Variants in ATAD2B observed in about 807,000 individuals in gnomAD.
The protein encoded by ATAD2B is ATPase family AAA domain containing 2B, also known as ATPase family AAA domain-containing protein 2B.
In ATAD2B, 40 loss-of-function variants were observed where a neutral mutation model predicts 167.6. The observed-to-expected ratio is 0.24, with a 90% CI of 0.19 to 0.31. The LOEUF is 0.31. Among genes scored for constraint, ATAD2B ranks in the 10% least tolerant of loss-of-function variants. The pLI is 1.00. For synonymous variants in ATAD2B, 579 were observed against 596.5 expected, an observed-to-expected ratio of 0.97 and a Z score of 0.43; for missense variants, 1,242 against 1,757.2, an observed-to-expected ratio of 0.71 and a Z score of 5.24.
chr2:23,760,699 TAC>T (rs1238984150), intron 24 of ATAD2B, among the ~76,000 whole-genome samples: 1,992 of 123,608 alleles, frequency 0.016, 26 homozygotes, highest in South Asian at 0.02. Context: ...TTTATATATA[TAC>T]ACACACACAC....
At chr2:23,836,776 G>C (rs1329541499) in intron 13 of ATAD2B, among the ~76,000 whole-genome samples, 4 of 152,030 alleles carry the variant, frequency 2.6e-5, no homozygotes, top group African/African-American at 7.2e-5. Flanking sequence ...GGCCCTGGAG[G>C]GGGTAGCTCC....
At chr2:23,784,410 A>G (rs1433656595) in intron 21 of ATAD2B, among the ~76,000 whole-genome samples, 1 of 152,096 alleles carries the variant, frequency 6.6e-6, no homozygotes, top group Non-Finnish European at 1.5e-5. Context: ...TCAGCTTAAG[A>G]GCAGAACGAA....
the ATAD2B span, among the ~76,000 whole-genome samples, chr2:23,694,658 C>T: frequency 6.6e-6 from 1 of 152,354 alleles, no homozygotes; most frequent in East Asian, 1.9e-4. Flanking sequence ...TGTTACATCT[C>T]GTAAGAATAA....
chr2:23,863,325 A>G (rs557278152), intron 12 of ATAD2B, 56 bp downstream of exon 12: 3 of 1,497,870 alleles, frequency 2.0e-6, no homozygotes, highest in African/African-American at 2.8e-5. Flanking sequence ...AAAAACAAAG[A>G]AAGAAAAGAA....
At chr2:23,774,048 A>T (rs1198621842) in intron 22 of ATAD2B, among the ~76,000 whole-genome samples, 1 of 152,196 alleles carries the variant, frequency 6.6e-6, no homozygotes, top group Non-Finnish European at 1.5e-5. Context: ...AAGAAAAAAA[A>T]ATCCCAGAAG....
At chr2:23,684,302 T>C in the ATAD2B span, 1 of 913,892 alleles carries the variant, frequency 1.1e-6, no homozygotes, top group Non-Finnish European at 1.5e-6. This position sits in a 1 kb window ranked among gnomAD's most constrained non-coding sequence, Gnocchi z 4.4. Context: ...ATTTCCTATT[T>C]CTCTACTTCT....
At chr2:23,778,002 C>T (rs558351175) in intron 22 of ATAD2B, among the ~76,000 whole-genome samples, 1 of 152,108 alleles carries the variant, frequency 6.6e-6, no homozygotes, top group Non-Finnish European at 1.5e-5. Context: ...TAAAAGAGAA[C>T]ACTGTAAGCT....
At chr2:23,785,968 C>A in intron 21 of ATAD2B, 59 bp downstream of exon 21, 1 of 1,408,356 alleles carries the variant, frequency 7.1e-7, no homozygotes, top group South Asian at 1.5e-5. Context: ...AAAAAGATGT[C>A]AATATTTTTT....
chr2:23,914,734 C>A (rs763508135), intron 1 of ATAD2B, among the ~76,000 whole-genome samples: 1 of 151,140 alleles, frequency 6.6e-6, no homozygotes, highest in African/African-American at 2.4e-5. Context: ...CCCAGCTACT[C>A]GGGAGGCTGA....
At position 23,843,201 on chromosome 2, in the gene ATAD2B, A is replaced by G. The variant is rs138171990; in HGVS notation, c.1569-9123T>C. Among the ~76,000 whole-genome samples the G allele has an allele frequency of 9.9e-3, 1,503 of 152,358 alleles. 19 individuals are homozygous for G. Among genetic ancestry groups the G allele is most frequent in the African/African-American group, 0.034 (1,418 of 41,588 alleles). On this transcript the variant is annotated intron_variant, in intron 13 of 27. Coordinates refer to ENST00000238789, the MANE Select transcript of ATAD2B (RefSeq NM_017552.4). Reference sequence around the variant, plus strand: ...TGTAAGTCCTAGGACTGAAAAATACAATTTCTGAAATAAAAAAATGTGTTG... The same window carrying G: ...TGTAAGTCCTAGGACTGAAAAATACGATTTCTGAAATAAAAAAATGTGTTG...
intron 2 of ATAD2B, among the ~76,000 whole-genome samples, chr2:23,893,275 T>G (rs937407181): frequency 6.6e-6 from 1 of 152,172 alleles, no homozygotes; most frequent in Non-Finnish European, 1.5e-5. Context: ...AATTCATTAT[T>G]TTTCATAGCT....
At chr2:23,693,922 T>C in the ATAD2B span, among the ~76,000 whole-genome samples, 1 of 152,180 alleles carries the variant, frequency 6.6e-6, no homozygotes, top group African/African-American at 2.4e-5. Context: ...AGTGAGGTCC[T>C]GAGGGGACTG....
intron 2 of ATAD2B, among the ~76,000 whole-genome samples, chr2:23,892,527 A>T (rs527669526): frequency 6.8e-6 from 1 of 147,226 alleles, no homozygotes; most frequent in Admixed American, 6.9e-5. Context: ...GCTAGAGTGC[A>T]GTGGTACGAT....
At chr2:23,845,552 G>A (rs1181654044) in intron 13 of ATAD2B, among the ~76,000 whole-genome samples, 2 of 142,760 alleles carry the variant, frequency 1.4e-5, no homozygotes, top group South Asian at 2.3e-4. Context: ...GGAATTTACT[G>A]TAAATGGGCA....
chr2:23,911,208 C>T (rs569943400), intron 1 of ATAD2B, among the ~76,000 whole-genome samples: 10 of 145,756 alleles, frequency 6.9e-5, no homozygotes, highest in Admixed American at 4.9e-4. Context: ...GCAAAAAGAG[C>T]GAAACTCCGT....
chr2:23,684,977 A>G, the ATAD2B span, among the ~76,000 whole-genome samples: 3 of 152,168 alleles, frequency 2.0e-5, no homozygotes, highest in Non-Finnish European at 4.4e-5. This position sits in a 1 kb window ranked among gnomAD's most constrained non-coding sequence, Gnocchi z 4.4. Context: ...AATGCCAGGA[A>G]AGCGCATCGG....
chr2:23,857,739 A>ATTT (rs34857462), intron 12 of ATAD2B, among the ~76,000 whole-genome samples: 105 of 120,594 alleles, frequency 8.7e-4, no homozygotes, highest in East Asian at 1.7e-3. Context: ...ACCAAAGTGT[A>ATTT]TTTTTTTTTT....
chr2:23,909,432 A>G (rs977623940), intron 1 of ATAD2B, among the ~76,000 whole-genome samples: 1 of 147,918 alleles, frequency 6.8e-6, no homozygotes, highest in Non-Finnish European at 1.5e-5. Context: ...ATATACATAC[A>G]TACATACATA....
the ATAD2B span, among the ~76,000 whole-genome samples, chr2:23,687,146 C>G: frequency 1.3e-5 from 2 of 152,154 alleles, no homozygotes; most frequent in Non-Finnish European, 2.9e-5. Context: ...AGCAGTGGCT[C>G]CACGCTCAGG....
Sources: allele counts gnomAD v4.1 joint callset (sites outside exome capture counted in the v4.1 genomes callset), GRCh38; gene constraint gnomAD v4.1.1; non-coding constraint Gnocchi (gnomAD v3.1); transcripts MANE v1.5; gene names NCBI Gene and HGNC (gene_info 2026-07-23, HGNC 2026-07-21).